TMEM231: variants seen among roughly 807,000 people sequenced by gnomAD.
TMEM231 encodes transmembrane protein 231.
In TMEM231, 40 loss-of-function variants were observed where a neutral mutation model predicts 38.5. That is an observed-to-expected ratio of 1.04 (90% confidence interval 0.81 to 1.35). The LOEUF (loss-of-function observed/expected upper bound fraction) is 1.35. Among genes scored for constraint, TMEM231 ranks in the 40% most tolerant of loss-of-function variants. The probability of loss-of-function intolerance (pLI) is 0.00; values close to 1 mark genes in which losing one functional copy is unlikely to be tolerated. For missense variants in TMEM231, 420 were observed against 416.9 expected, an observed-to-expected ratio of 1.01 and a Z score of -0.07; for synonymous variants, 199 against 181.7, an observed-to-expected ratio of 1.10 and a Z score of -0.77.
intron 2 of TMEM231, among the ~76,000 whole-genome samples, chr16:75,550,843 A>C (rs2080751920): frequency 6.6e-6 from 1 of 151,500 alleles, no homozygotes; most frequent in Admixed American, 6.6e-5. Context: ...CAGCCTCCCA[A>C]ACAGCTGGGA....
In TMEM231 at chr16:75,539,846, G is replaced by A; in HGVS notation, c.*148C>T. The A allele has an allele frequency of 1.5e-6, 1 of 646,650 alleles. No homozygotes were observed. Among genetic ancestry groups the A allele is most frequent in the South Asian group, 2.3e-5 (1 of 43,744 alleles). The allele number at this position is 646,650 out of a possible 1,614,324, so 40.1% of individuals were successfully genotyped here. ...AGCTCTGAAGATACGGAACTGTGTA[G>A]AGCAAAACCGGAAAGAACCGTTGTC... On this transcript the variant is annotated 3_prime_UTR_variant, in exon 7 of 7. Transcript: ENST00000258173.
At chr16:75,554,213 A>G (rs1459284856) in intron 2 of TMEM231, among the ~76,000 whole-genome samples, 11 of 152,142 alleles carry the variant, frequency 7.2e-5, no homozygotes, top group Admixed American at 2.6e-4. Context: ...TGCTATTCCA[A>G]TTCCTCAAAA....
chr16:75,550,237 G>C (rs772271227), intron 2 of TMEM231, among the ~76,000 whole-genome samples: 2 of 152,206 alleles, frequency 1.3e-5, no homozygotes, highest in Non-Finnish European at 2.9e-5. Context: ...GCCCAGATGG[G>C]GCCAGGACCT....
rs115099331 is a variant in TMEM231, at chr16:75,554,318, A to T, written c.309+1486T>A. On this transcript the variant is annotated intron_variant, in intron 2 of 6. Coordinates refer to ENST00000258173, the MANE Select transcript of TMEM231 (RefSeq NM_001077418.3). ...AGTGGCTGACACCTATGATCCCAGC[A>T]GTTTGGGAGACCAAGGCGGGTGGAT... Among the ~76,000 whole-genome samples the T allele has an allele frequency of 5.6e-3, 853 of 152,292 alleles. 8 individuals carry two copies. The highest frequency in any genetic ancestry group is 0.02 in the African/African-American group (819 of 41,552).
chr16:75,555,810 G>A lies in TMEM231; in HGVS notation c.303C>T (p.Leu101=), dbSNP rs778118263. 15 of 1,540,212 alleles carry A rather than the reference G, an allele frequency of 9.7e-6. No individual in the cohort carries two copies. The Admixed American group carries it at 1.2e-4, about 12-fold the overall frequency. Residue 101 remains leucine, a synonymous_variant, in exon 2 of 7, where the codon CTC becomes CTT. Coordinates refer to ENST00000258173, the MANE Select transcript of TMEM231 (RefSeq NM_001077418.3). ...CCAGGCGGGAACCACGCACCGAAAC[G>A]AGCGGGACGCGCAGGCGATCCCCTT... is the stretch of plus-strand genomic sequence containing the variant. ...RLQGDRLRVP[L]VSTREEDRNQ...
rs557848296 is a variant in TMEM231 at position 75,539,933 on chromosome 16, T to G, written c.*61A>C. ...TGGGCTCTTTCAAAAGGTCCTAAGA[T>G]GTTCCCAGAAGATGACAATGAGGCA... On this transcript the variant is annotated 3_prime_UTR_variant, in exon 7 of 7. Transcript: ENST00000258173. 19 of 1,474,670 alleles carry G rather than the reference T, an allele frequency of 1.3e-5. No homozygotes were observed. The highest frequency in any genetic ancestry group is 1.7e-5 in the Non-Finnish European group (19 of 1,088,320). The allele number at this position is 1,474,670 out of a possible 1,614,324, so 91.3% of individuals were successfully genotyped here.
rs915272391 is a variant in TMEM231, at chr16:75,538,595, T to C, written c.*1399A>G. On this transcript the variant is annotated 3_prime_UTR_variant, in exon 7 of 7. Transcript: ENST00000258173. ...AATAGCTTTGTTTCCAAAACTGTTTTAGTAAGCCTAAAGGAGCACTAAAAA... is the reference window on the plus strand; with the variant it reads ...AATAGCTTTGTTTCCAAAACTGTTTCAGTAAGCCTAAAGGAGCACTAAAAA... The C allele has an allele frequency of 6.6e-6, 1 of 152,158 alleles. No homozygotes were observed. The highest frequency in any genetic ancestry group is 2.1e-4 in the South Asian group (1 of 4,826). The allele number at this position is 152,158 out of a possible 1,614,324, so 9.4% of individuals were successfully genotyped here. A position where few individuals can be genotyped will look rare whatever the true frequency, so the allele number is the denominator to read the frequency against.
intron 2 of TMEM231, among the ~76,000 whole-genome samples, chr16:75,551,009 G>A (rs986231267): frequency 3.3e-5 from 5 of 152,018 alleles, no homozygotes; most frequent in African/African-American, 1.2e-4. Flanking sequence ...GAGCCACTGC[G>A]CCCGGCCCAT....
At chr16:75,544,359 A>G (rs924434940) in intron 4 of TMEM231, among the ~76,000 whole-genome samples, 7 of 152,150 alleles carry the variant, frequency 4.6e-5, no homozygotes, top group Admixed American at 3.3e-4. Flanking sequence ...CTGAACAGGG[A>G]CCTGAATGGC....
chr16:75,550,374 G>A (rs145136384), intron 2 of TMEM231, among the ~76,000 whole-genome samples: 147 of 152,284 alleles, frequency 9.7e-4, no homozygotes, highest in Middle Eastern at 3.4e-3. Context: ...TGGCAGTGGT[G>A]ACTGGTTTCA....
chr16:75,541,251 T>G (rs1349698619), intron 6 of TMEM231, 99 bp downstream of exon 6: 13 of 687,110 alleles, frequency 1.9e-5, no homozygotes, highest in Admixed American at 3.4e-5. Context: ...AACTCCTGGG[T>G]TCAAATGATC....
At chr16:75,544,858 T>C (rs1314999640) in intron 4 of TMEM231, among the ~76,000 whole-genome samples, 1 of 152,044 alleles carries the variant, frequency 6.6e-6, no homozygotes, top group Non-Finnish European at 1.5e-5. Flanking sequence ...ACCTTCTCTG[T>C]AGTTTGAAAA....
chr16:75,545,244 G>T, intron 4 of TMEM231, 108 bp downstream of exon 4: 1 of 1,455,052 alleles, frequency 6.9e-7, no homozygotes, highest in Non-Finnish European at 9.3e-7. Context: ...ACAGGTATGA[G>T]CCACTGCGCC....
chr16:75,554,799 A>G (rs2080794096), intron 2 of TMEM231: 2 of 152,238 alleles, frequency 1.3e-5, no homozygotes, highest in African/African-American at 4.8e-5. Context: ...AAGTAACCTG[A>G]ATCATATTAG....
rs564257664 is a variant in TMEM231, at chr16:75,538,468, G to T, written c.*1526C>A. ...GAATTTAAACAAGAAACTATTTTTCGTTTAGATCTTAAGAAAAAAATTTAG... is the reference window on the plus strand; with the variant it reads ...GAATTTAAACAAGAAACTATTTTTCTTTTAGATCTTAAGAAAAAAATTTAG... On this transcript the variant is annotated 3_prime_UTR_variant, in exon 7 of 7. Coordinates refer to ENST00000258173, the MANE Select transcript of TMEM231 (RefSeq NM_001077418.3). 2.6e-5 allele frequency: 4 copies of T among 151,826 alleles called. No homozygotes were observed. The highest frequency in any genetic ancestry group is 5.9e-5 in the Non-Finnish European group (4 of 67,956). The allele number at this position is 151,826 out of a possible 1,614,324, so 9.4% of individuals were successfully genotyped here. A position where few individuals can be genotyped will look rare whatever the true frequency, so the allele number is the denominator to read the frequency against.
intron 4 of TMEM231, among the ~76,000 whole-genome samples, chr16:75,544,498 G>T (rs996768378): frequency 6.6e-6 from 1 of 152,124 alleles, no homozygotes; most frequent in Non-Finnish European, 1.5e-5. Context: ...GCAAGCGGGG[G>T]CAGTGATGGG....
chr16:75,548,496 T>A (rs941180334), intron 2 of TMEM231, among the ~76,000 whole-genome samples: 1 of 152,164 alleles, frequency 6.6e-6, no homozygotes, highest in African/African-American at 2.4e-5. Context: ...ACATTCCCGA[T>A]GGACAATGTA....
chr16:75,543,674 G>A (rs376215480), intron 4 of TMEM231, among the ~76,000 whole-genome samples: 15 of 152,286 alleles, frequency 9.8e-5, no homozygotes, highest in African/African-American at 3.4e-4. Context: ...TGGGTGCTAA[G>A]TTCTTTATCA....
chr16:75,556,029 C>A, intron 1 of TMEM231, 42 bp downstream of exon 1: 2 of 1,567,816 alleles, frequency 1.3e-6, no homozygotes, highest in Admixed American at 1.9e-5. Flanking sequence ...TGGCCGAGCG[C>A]GCCCGGGGAG....
Sources: allele counts gnomAD v4.1 joint callset (sites outside exome capture counted in the v4.1 genomes callset), GRCh38; gene constraint gnomAD v4.1.1; transcripts MANE v1.5; gene names NCBI Gene and HGNC (gene_info 2026-07-23, HGNC 2026-07-21).